The following COL15A1 variants were observed in gnomAD, a reference collection of about 807,000 sequenced individuals.
The protein encoded by COL15A1 is collagen type XV alpha 1 chain, also known as collagen alpha-1(XV) chain.
In COL15A1, 111 loss-of-function variants were observed where a neutral mutation model predicts 165.9. The ratio of observed to expected loss-of-function variants is 0.67; its 90% CI spans 0.57 to 0.78. COL15A1 has a LOEUF of 0.78. Among genes scored for constraint, COL15A1 ranks in the 30% least tolerant of loss-of-function variants. The probability of loss-of-function intolerance (pLI) is 0.00; values close to 1 mark genes in which losing one functional copy is unlikely to be tolerated. For synonymous variants in COL15A1, 659 were observed against 674.8 expected (o/e 0.98, Z 0.36); for missense variants, 1,745 against 1,789.7 (o/e 0.98, Z 0.45).
Position 99,024,969 on chromosome 9 carries a change from G to A in COL15A1, c.1950G>A (p.Glu650=), listed in dbSNP as rs1839097177. Residue 650 remains glutamate, a synonymous_variant, in exon 15 of 42, where the codon GAG becomes GAA. Coordinates refer to ENST00000375001, the MANE Select transcript of COL15A1 (RefSeq NM_001855.5). ...TGGGACCCCCTGGATCTCCTGGAGA[G>A]GATGGACCTGCTGGTGAACCTGGGC... The part of the protein sequence containing the change: ...VFMGPPGSPG[E]DGPAGEPGPP... 1.9e-6 allele frequency: 3 copies of A among 1,613,786 alleles called. No homozygotes were observed. The highest frequency in any genetic ancestry group is 2.7e-5 in the African/African-American group (2 of 74,910).
At chr9:98,956,728 A>G (rs577056896) in intron 2 of COL15A1, among the ~76,000 whole-genome samples, 3 of 152,288 alleles carry the variant, frequency 2.0e-5, no homozygotes, top group Admixed American at 2.0e-4. Flanking sequence ...TCTTGCTTCT[A>G]GCATCTTGCT....
In COL15A1 at chr9:98,985,615, C is replaced by T. The variant is rs753851581; in HGVS notation, c.151C>T (p.Leu51=). 5.6e-6 allele frequency: 9 copies of T among 1,614,156 alleles called. No individual in the cohort carries two copies. In the South Asian group the frequency reaches 8.8e-5, roughly 16 times the overall value. The stretch of plus-strand genomic sequence containing the variant: ...CCTCACGCAGCTCATCGGTGTCCCG[C>T]TGCCCTCGTCCGTATCCTTTGTCAC... The part of the protein sequence containing the change: ...LDLTQLIGVP[L]PSSVSFVTGY... Residue 51 remains leucine (L), a synonymous_variant, in exon 3 of 42, where the codon CTG becomes TTG. Transcript: ENST00000375001.
intron 2 of COL15A1, among the ~76,000 whole-genome samples, chr9:98,961,357 G>C (rs1837862949): frequency 6.6e-6 from 1 of 152,186 alleles, no homozygotes; most frequent in South Asian, 2.1e-4. Context: ...TGCAATGAGA[G>C]CTATGAAAGC....
chr9:99,026,875 A>G (rs1588521905), intron 16 of COL15A1, among the ~76,000 whole-genome samples: 1 of 151,666 alleles, frequency 6.6e-6, no homozygotes, highest in South Asian at 2.1e-4. Flanking sequence ...TCTGCTCCTC[A>G]CCCCCACCCT....
At chr9:98,968,638 C>G (rs968908839) in intron 2 of COL15A1, among the ~76,000 whole-genome samples, 3 of 152,150 alleles carry the variant, frequency 2.0e-5, no homozygotes, top group Admixed American at 6.5e-5. Context: ...TTAATTACAT[C>G]TCAAAGACTC....
rs1021744789 is a variant in COL15A1 at position 98,973,962 on chromosome 9, G to A, written c.101-11603G>A. On this transcript the variant is annotated intron_variant, in intron 2 of 41. Coordinates refer to ENST00000375001, the MANE Select transcript of COL15A1 (RefSeq NM_001855.5). ...TATTGAACCTGAGGCTCAGAGAAGG[G>A]AAGGGACTGCTCAAAGTCATATGCC... Among the ~76,000 whole-genome samples, 14 of 152,360 alleles carry A rather than the reference G, an allele frequency of 9.2e-5. No individual in the cohort carries two copies. In the East Asian group the frequency reaches 1.9e-3, roughly 21 times the overall value.
chr9:99,051,212 GC>G (rs1839581638), intron 30 of COL15A1, among the ~76,000 whole-genome samples: 4 of 152,174 alleles, frequency 2.6e-5, no homozygotes, highest in Admixed American at 2.6e-4. Flanking sequence ...AAATGAGCCA[GC>G]CACAGAACAG....
chr9:99,064,447 G>A (rs1284848079), intron 39 of COL15A1, among the ~76,000 whole-genome samples: 1 of 152,160 alleles, frequency 6.6e-6, no homozygotes, highest in Non-Finnish European at 1.5e-5. Context: ...CCTGAGTGGA[G>A]ACTACCAGGA....
rs190175857 is a variant in COL15A1 at position 98,987,744 on chromosome 9, G to A, written c.723+376G>A. Among the ~76,000 whole-genome samples, 21 of 152,308 alleles carry A rather than the reference G, an allele frequency of 1.4e-4. No individual in the cohort carries two copies. In the East Asian group the frequency reaches 3.7e-3, roughly 27 times the overall value. On this transcript the variant is annotated intron_variant, in intron 4 of 41. Coordinates refer to ENST00000375001, the MANE Select transcript of COL15A1 (RefSeq NM_001855.5). ...GCTTTTATGCTTGGCAAATGAGTTCGTTCCTAAGCTGGGGATGGAGTGGTG... is the reference window on the plus strand; with the variant it reads ...GCTTTTATGCTTGGCAAATGAGTTCATTCCTAAGCTGGGGATGGAGTGGTG...
intron 28 of COL15A1, 119 bp from the exon 29 acceptor site, chr9:99,049,571 A>G (rs772467461): frequency 2.3e-5 from 29 of 1,257,148 alleles, no homozygotes; most frequent in Non-Finnish European, 3.0e-5. Context: ...GCAACCTGAG[A>G]GAGAAGTTGG....
intron 2 of COL15A1, among the ~76,000 whole-genome samples, chr9:98,963,481 G>A (rs972431070): frequency 6.6e-6 from 1 of 152,288 alleles, no homozygotes; most frequent in Admixed American, 6.5e-5. Context: ...AACTGGGTCT[G>A]GAACTACGTC....
At chr9:98,950,250 C>T (rs10123148) in intron 2 of COL15A1, among the ~76,000 whole-genome samples, 3,690 of 152,188 alleles carry the variant, frequency 0.024, 153 homozygotes, top group African/African-American at 0.086. Flanking sequence ...TCAAGTATGA[C>T]GAACCCCCAA....
chr9:99,037,983 G>A (rs926341277), intron 21 of COL15A1, among the ~76,000 whole-genome samples: 10 of 152,054 alleles, frequency 6.6e-5, no homozygotes, highest in Non-Finnish European at 1.5e-4. Flanking sequence ...GGACCAGATC[G>A]CATGCATTTA....
intron 16 of COL15A1, among the ~76,000 whole-genome samples, chr9:99,028,932 CTTACT>C (rs1469984241): frequency 2.0e-5 from 3 of 152,142 alleles, no homozygotes; most frequent in African/African-American, 7.2e-5. Flanking sequence ...AGAAATATTC[CTTACT>C]TTATTTTTCC....
At chr9:99,062,766 T>G (rs1461117474) in intron 38 of COL15A1, among the ~76,000 whole-genome samples, 1 of 152,210 alleles carries the variant, frequency 6.6e-6, no homozygotes, top group Non-Finnish European at 1.5e-5. Context: ...GGTAGCTTTC[T>G]CTATTAAGTG....
At position 99,004,718 on chromosome 9, in the gene COL15A1, T is replaced by A. The variant is rs145196443; in HGVS notation, c.1201-180T>A. Among the ~76,000 whole-genome samples, 5 of 152,106 alleles carry A rather than the reference T, an allele frequency of 3.3e-5. No homozygotes were observed. In the East Asian group the frequency reaches 9.7e-4, roughly 29 times the overall value. On this transcript the variant is annotated intron_variant, in intron 8 of 41. Transcript: ENST00000375001. ...GGGATGCTGGGGTGGTCTCGCAGCA[T>A]GAGTGGTGTGAGGAACCAGGCTTCC...
In COL15A1 at chr9:99,066,925, G is replaced by A. The variant is rs140105639; in HGVS notation, c.3695G>A (p.Arg1232Gln). ...ALNMPFSGDIRADFQCFKQAR... is the reference protein window; with the variant it reads ...ALNMPFSGDIQADFQCFKQAR... ...AACATGCCATTTTCTGGGGACATTC[G>A]AGCTGATTTTCAGTGCTTCAAGCAG... The change falls in exon 40 of 42, where the codon CGA (arginine) becomes CAA (glutamine). Residue 1232 changes from arginine to glutamine, a missense_variant. Transcript: ENST00000375001. The A allele has an allele frequency of 3.1e-5, 50 of 1,613,848 alleles. No individual in the cohort carries two copies. The highest frequency in any genetic ancestry group is 5.0e-5 in the Admixed American group (3 of 59,978).
chr9:99,025,741 A>T (rs1417010296), intron 15 of COL15A1, among the ~76,000 whole-genome samples, 163 bp from the exon 16 acceptor site: 1 of 152,182 alleles, frequency 6.6e-6, no homozygotes, highest in Non-Finnish European at 1.5e-5. Context: ...GTCAGCAGTG[A>T]CCCAGCCTGG....
At chr9:99,060,234 T>TA (rs1825788210) in intron 36 of COL15A1, among the ~76,000 whole-genome samples, 1 of 84,854 alleles carries the variant, frequency 1.2e-5, no homozygotes, top group African/African-American at 4.7e-5. Context: ...TTATATATTT[T>TA]TATATATATA....
Sources: allele counts gnomAD v4.1 joint callset (sites outside exome capture counted in the v4.1 genomes callset), GRCh38; gene constraint gnomAD v4.1.1; transcripts MANE v1.5; gene names NCBI Gene and HGNC (gene_info 2026-07-23, HGNC 2026-07-21).